KLF8: variants seen among roughly 807,000 people sequenced by gnomAD.
KLF8 encodes Krueppel-like factor 8.
Under a neutral mutation model 18.2 loss-of-function variants are expected in KLF8, and 10 were observed. The ratio of observed to expected loss-of-function variants is 0.55; its 90% CI spans 0.34 to 0.93. The LOEUF is 0.93. Among genes scored for constraint, KLF8 ranks in the 40% least tolerant of loss-of-function variants. The probability of loss-of-function intolerance (pLI) is 0.02; values close to 1 mark genes in which losing one functional copy is unlikely to be tolerated. For synonymous variants in KLF8, 109 were observed against 97.3 expected, an observed-to-expected ratio of 1.12 and a Z score of -0.71; for missense variants, 264 against 277.9, an observed-to-expected ratio of 0.95 and a Z score of 0.36.
At chrX:56,273,299 T>C (rs771251589) in intron 5 of KLF8, among the ~76,000 whole-genome samples, 21 of 111,559 alleles carry the variant, frequency 1.9e-4, no homozygotes, top group Non-Finnish European at 3.8e-4. Flanking sequence ...CCCTCAAGCA[T>C]GGGGCATCCT....
chrX:55,949,636 C>A, the KLF8 span, among the ~76,000 whole-genome samples: 1 of 106,884 alleles, frequency 9.4e-6, no homozygotes, highest in Non-Finnish European at 1.9e-5. Flanking sequence ...ACTAAAAATA[C>A]AAAAATTAGC....
At chrX:55,985,008 T>A in the KLF8 span, among the ~76,000 whole-genome samples, 1 of 110,538 alleles carries the variant, frequency 9.0e-6, no homozygotes, top group African/African-American at 3.3e-5. Flanking sequence ...AAGTTCCTTG[T>A]AGATTCTGGA....
the KLF8 span, among the ~76,000 whole-genome samples, chrX:56,069,616 T>A: frequency 9.0e-6 from 1 of 110,926 alleles, no homozygotes; most frequent in African/African-American, 3.3e-5. Context: ...TCTGCCTGAA[T>A]TTGCTAAGGG....
At chrX:56,117,607 A>G in the KLF8 span, among the ~76,000 whole-genome samples, 2 of 112,239 alleles carry the variant, frequency 1.8e-5, no homozygotes, top group Non-Finnish European at 3.8e-5. Flanking sequence ...TTCTTATTAA[A>G]TATGCCACTT....
At position 56,284,531 on chromosome X, in the gene KLF8, CT is replaced by C; in HGVS notation, c.*40del. On this transcript the variant is annotated 3_prime_UTR_variant, in exon 6 of 6. Coordinates refer to ENST00000468660, the MANE Select transcript of KLF8 (RefSeq NM_007250.5). ...CACACTAGAGAAGCTGCGCTGGTAT[CT>C]TTCCTGGTCGTGTGCTGAGGTTGGG... The C allele has an allele frequency of 9.4e-7, 1 of 1,064,797 alleles. No homozygotes were observed. Among genetic ancestry groups the C allele is most frequent in the Non-Finnish European group, 1.2e-6 (1 of 810,072 alleles). The allele number at this position is 1,064,797 out of a possible 1,213,427, so 87.8% of individuals were successfully genotyped here. A position where few individuals can be genotyped will look rare whatever the true frequency, so the allele number is the denominator to read the frequency against.
chrX:56,061,837 G>A, the KLF8 span, among the ~76,000 whole-genome samples: 1 of 110,305 alleles, frequency 9.1e-6, no homozygotes, highest in Admixed American at 9.7e-5. Flanking sequence ...TTATGAATCT[G>A]GGTGCCCCTG....
At chrX:56,031,642 G>A in the KLF8 span, among the ~76,000 whole-genome samples, 3 of 111,691 alleles carry the variant, frequency 2.7e-5, no homozygotes, top group African/African-American at 9.8e-5. Context: ...TGCTCCACAG[G>A]GCAGGCCTAA....
At chrX:55,994,945 G>T in the KLF8 span, among the ~76,000 whole-genome samples, 1 of 111,853 alleles carries the variant, frequency 8.9e-6, no homozygotes, top group Non-Finnish European at 1.9e-5. Context: ...GACAAGTGTT[G>T]AGTTTATTTC....
chrX:56,028,358 CT>C, the KLF8 span, among the ~76,000 whole-genome samples: 1 of 111,951 alleles, frequency 8.9e-6, no homozygotes, highest in Non-Finnish European at 1.9e-5. Flanking sequence ...AATTCCCTTA[CT>C]TGCCTTCTGG....
the KLF8 span, among the ~76,000 whole-genome samples, chrX:55,927,312 T>A: frequency 8.9e-6 from 1 of 112,020 alleles, no homozygotes; most frequent in Admixed American, 9.5e-5. Flanking sequence ...AATCCAAATC[T>A]CTCTGTCCTC....
At chrX:56,248,641 G>A (rs888509011) in intron 1 of KLF8, among the ~76,000 whole-genome samples, 1 of 111,383 alleles carries the variant, frequency 9.0e-6, no homozygotes, top group Non-Finnish European at 1.9e-5. Context: ...CCACTCCTAC[G>A]CATGGTTCTG....
upstream of KLF8, among the ~76,000 whole-genome samples, chrX:56,227,625 G>A (rs769277341): frequency 8.1e-5 from 9 of 111,689 alleles, no homozygotes; most frequent in Non-Finnish European, 1.7e-4. Context: ...TTACAGGCGT[G>A]AGCCACGGTG....
chrX:56,018,225 C>T, the KLF8 span, among the ~76,000 whole-genome samples: 2 of 111,091 alleles, frequency 1.8e-5, no homozygotes, highest in Non-Finnish European at 3.8e-5. Flanking sequence ...ATCACCATTA[C>T]AAACTCTCTG....
chrX:55,990,743 G>T, the KLF8 span, among the ~76,000 whole-genome samples: 1 of 112,431 alleles, frequency 8.9e-6, no homozygotes, highest in Non-Finnish European at 1.9e-5. Context: ...CTGCTGGTCT[G>T]TTGGAGGTTG....
the KLF8 span, among the ~76,000 whole-genome samples, chrX:56,133,924 A>C: frequency 0.02 from 434 of 21,461 alleles, no homozygotes; most frequent in African/African-American, 0.041. Flanking sequence ...AATATCTGCA[A>C]AAAAAAAAAA....
chrX:55,943,639 G>T, the KLF8 span, among the ~76,000 whole-genome samples: 1 of 112,080 alleles, frequency 8.9e-6, no homozygotes, highest in African/African-American at 3.2e-5. Flanking sequence ...ACTCTAGGAG[G>T]TGAAAACTTA....
the KLF8 span, among the ~76,000 whole-genome samples, chrX:56,177,744 C>T: frequency 1.8e-3 from 201 of 111,630 alleles, 1 homozygote; most frequent in African/African-American, 6.3e-3. Flanking sequence ...CTGAGGTGGG[C>T]TCCACCCTGT....
At chrX:56,101,277 C>T in the KLF8 span, among the ~76,000 whole-genome samples, 58,561 of 110,512 alleles carry the variant, frequency 0.53, 13,651 homozygotes, top group Non-Finnish European at 0.73. Context: ...CAGCTGCATC[C>T]GGTTGCTGTA....
the KLF8 span, among the ~76,000 whole-genome samples, chrX:56,186,030 A>G: frequency 8.9e-6 from 1 of 112,375 alleles, no homozygotes; most frequent in Non-Finnish European, 1.9e-5. Context: ...TAAAAATATT[A>G]ACTTTAAATG....
Sources: allele counts gnomAD v4.1 joint callset (sites outside exome capture counted in the v4.1 genomes callset), GRCh38; gene constraint gnomAD v4.1.1; transcripts MANE v1.5; gene names NCBI Gene and HGNC (gene_info 2026-07-23, HGNC 2026-07-21).